TRHDE: variants seen among roughly 807,000 people sequenced by gnomAD.
TRHDE encodes the protein thyrotropin-releasing hormone-degrading ectoenzyme.
Under a neutral mutation model 125.7 loss-of-function variants are expected in TRHDE, and 72 were observed. The observed-to-expected ratio is 0.57, with a 90% CI of 0.47 to 0.70. The LOEUF (loss-of-function observed/expected upper bound fraction) is 0.70. TRHDE is among the 30% of genes least tolerant of loss of function. The pLI, the probability that TRHDE is intolerant of heterozygous loss-of-function variation, is 0.00. For synonymous variants in TRHDE, 509 were observed against 509.1 expected (o/e 1.00, Z 0.00); for missense variants, 1,110 against 1,327.1 (o/e 0.84, Z 2.54).
intron 7 of TRHDE, among the ~76,000 whole-genome samples, chr12:72,556,828 T>A (rs1343115234): frequency 6.6e-6 from 1 of 152,172 alleles, no homozygotes. Context: ...TCTTGTCACA[T>A]CTTCAGAAAA....
Position 72,129,341 on chromosome 12 carries a change from G to T in TRHDE, n.279+23589G>T, listed in dbSNP as rs547844583. 4.3e-3 allele frequency among the ~76,000 whole-genome samples: 647 copies of T among 152,216 alleles called. 1 individual carries two copies. The highest frequency in any genetic ancestry group is 0.015 in the African/African-American group (625 of 41,546). On this transcript the variant is annotated intron_variant and non_coding_transcript_variant, in intron 2 of 4. Coordinates refer to the TRHDE transcript ENST00000548156. ...AAAAGAAACAAAGAATATTGGAAGTGGTAAAATGGGTAAAAATGAGTTTTT... is the reference window on the plus strand; with the variant it reads ...AAAAGAAACAAAGAATATTGGAAGTTGTAAAATGGGTAAAAATGAGTTTTT...
intron 6 of TRHDE, among the ~76,000 whole-genome samples, chr12:72,523,509 T>A (rs748175318): frequency 1.3e-5 from 2 of 152,188 alleles, no homozygotes; most frequent in Non-Finnish European, 2.9e-5. Flanking sequence ...CATTGTTTAT[T>A]TTTACATACA....
intron 2 of TRHDE, among the ~76,000 whole-genome samples, chr12:72,312,870 G>A (rs1227688988): frequency 1.3e-5 from 2 of 151,972 alleles, no homozygotes; most frequent in African/African-American, 4.8e-5. Flanking sequence ...CTTTCTTACT[G>A]CATCTCTGCC....
chr12:72,091,153 T>A (rs1379480814), intron 1 of TRHDE, among the ~76,000 whole-genome samples: 1 of 152,106 alleles, frequency 6.6e-6, no homozygotes, highest in African/African-American at 2.4e-5. Context: ...AGATTACAGA[T>A]GAAAGCCACT....
At chr12:72,548,661 AT>A (rs1241027709) in intron 7 of TRHDE, among the ~76,000 whole-genome samples, 1 of 151,282 alleles carries the variant, frequency 6.6e-6, no homozygotes, top group African/African-American at 2.4e-5. Flanking sequence ...CCCTAATTAC[AT>A]TTTTTTCAGA....
intron 2 of TRHDE, among the ~76,000 whole-genome samples, chr12:72,238,325 T>TAC (rs1437979039): frequency 6.2e-5 from 2 of 32,256 alleles, no homozygotes; most frequent in African/African-American, 2.3e-4. Flanking sequence ...TATATATACA[T>TAC]ATATATATAC....
At chr12:72,108,730 G>T (rs978172759) in intron 2 of TRHDE, among the ~76,000 whole-genome samples, 1 of 151,656 alleles carries the variant, frequency 6.6e-6, no homozygotes, top group Non-Finnish European at 1.5e-5. Flanking sequence ...CCCCTGAAAT[G>T]GTTGAAAGAA....
chr12:72,555,240 AT>A (rs1344241402), intron 7 of TRHDE, among the ~76,000 whole-genome samples: 2 of 152,208 alleles, frequency 1.3e-5, no homozygotes, highest in Non-Finnish European at 2.9e-5. Context: ...CTAAAGGTAA[AT>A]TTAGGGTAAA....
At chr12:72,161,998 G>A (rs1476215356) in intron 2 of TRHDE, among the ~76,000 whole-genome samples, 3 of 152,194 alleles carry the variant, frequency 2.0e-5, no homozygotes, top group Non-Finnish European at 4.4e-5. Flanking sequence ...CAATAGTATG[G>A]TTTGTGGATG....
At chr12:72,153,622 C>T (rs1876425358) in intron 2 of TRHDE, among the ~76,000 whole-genome samples, 2 of 152,104 alleles carry the variant, frequency 1.3e-5, no homozygotes, top group Non-Finnish European at 2.9e-5. Flanking sequence ...TTTCAAAGAA[C>T]ATCTTTATTT....
Position 72,273,121 on chromosome 12 carries a change from G to T in TRHDE, c.478G>T (p.Ala160Ser). Residue 160 changes from alanine to serine, a missense_variant, in exon 1 of 19, where the codon GCC (alanine) becomes TCC (serine). Physicochemically the swap from Ala to Ser is moderately conservative, Grantham distance 99 (BLOSUM62 1). Transcript: ENST00000261180. This position sits in a 1 kb window ranked among gnomAD's most constrained non-coding sequence, Gnocchi z 5.3. ...DSWQPEAGGV[A>S]SPGTTSAQPP... ...CTGGCAGCCCGAGGCGGGTGGGGTG[G>T]CCAGTCCGGGGACCACGTCGGCCCA... 1 of 1,533,866 alleles carries T rather than the reference G, an allele frequency of 6.5e-7. No individual in the cohort carries two copies. Among genetic ancestry groups the T allele is most frequent in the Admixed American group, 1.9e-5 (1 of 53,252 alleles).
intron 2 of TRHDE, among the ~76,000 whole-genome samples, chr12:72,317,614 C>G (rs1868865999): frequency 6.6e-6 from 1 of 152,110 alleles, no homozygotes; most frequent in Non-Finnish European, 1.5e-5. Context: ...CTCCCAATTA[C>G]TTCTTAAAGG....
chr12:72,144,660 T>C (rs1438183257), intron 2 of TRHDE, among the ~76,000 whole-genome samples: 1 of 152,282 alleles, frequency 6.6e-6, no homozygotes, highest in Non-Finnish European at 1.5e-5. Context: ...TTGTTCCAAA[T>C]TGAGTCTTGG....
At chr12:72,190,240 A>T (rs1037811436) in intron 2 of TRHDE, among the ~76,000 whole-genome samples, 1 of 152,158 alleles carries the variant, frequency 6.6e-6, no homozygotes, top group East Asian at 1.9e-4. Flanking sequence ...TTGCAGTGTT[A>T]CCTCGCCATC....
intron 5 of TRHDE, among the ~76,000 whole-genome samples, chr12:72,496,064 C>A (rs992196748): frequency 2.6e-5 from 4 of 152,206 alleles, no homozygotes; most frequent in Non-Finnish European, 4.4e-5. Context: ...TATTGTGCTG[C>A]TTTTTCAAAG....
intron 2 of TRHDE, among the ~76,000 whole-genome samples, chr12:72,210,195 T>TATC: frequency 6.8e-6 from 1 of 147,060 alleles, no homozygotes. Context: ...TCTATCTATC[T>TATC]ATCTATCTAT....
chr12:72,125,491 T>C (rs1875691788), intron 2 of TRHDE, among the ~76,000 whole-genome samples: 1 of 152,160 alleles, frequency 6.6e-6, no homozygotes, highest in Non-Finnish European at 1.5e-5. Context: ...ACCCATTGAA[T>C]TGCTTGTTGG....
intron 6 of TRHDE, among the ~76,000 whole-genome samples, chr12:72,515,666 T>C (rs1455495547): frequency 6.6e-6 from 1 of 152,036 alleles, no homozygotes; most frequent in Non-Finnish European, 1.5e-5. Context: ...TTTGTCAATT[T>C]TGGCTTTTGT....
intron 6 of TRHDE, among the ~76,000 whole-genome samples, chr12:72,520,076 G>A (rs985331692): frequency 6.6e-6 from 1 of 152,322 alleles, no homozygotes; most frequent in East Asian, 1.9e-4. Context: ...AGTCTGCAGA[G>A]GTTACTGCTG....
Sources: allele counts gnomAD v4.1 joint callset (sites outside exome capture counted in the v4.1 genomes callset), GRCh38; gene constraint gnomAD v4.1.1; non-coding constraint Gnocchi (gnomAD v3.1); transcripts MANE v1.5; gene names NCBI Gene and HGNC (gene_info 2026-07-23, HGNC 2026-07-21).